The following JAG1 variants were observed in gnomAD, a reference collection of about 807,000 sequenced individuals.
The protein encoded by JAG1 is jagged canonical Notch ligand 1.
In JAG1, 23 loss-of-function variants were observed where a neutral mutation model predicts 148.7. The observed-to-expected ratio is 0.15, with a 90% CI of 0.11 to 0.22. JAG1 has a LOEUF of 0.22. Among genes scored for constraint, JAG1 ranks in the 10% least tolerant of loss-of-function variants. The probability of loss-of-function intolerance (pLI) is 1.00; values close to 1 mark genes in which losing one functional copy is unlikely to be tolerated. For missense variants in JAG1, 1,054 were observed against 1,611.2 expected (o/e 0.65, Z 5.92); for synonymous variants, 572 against 598.3 (o/e 0.96, Z 0.64).
chr20:10,652,031 T>C (rs940345676), intron 7 of JAG1, 100 bp downstream of exon 7: 3 of 1,355,466 alleles, frequency 2.2e-6, no homozygotes, highest in African/African-American at 2.9e-5. Context: ...TGGAAGCTAT[T>C]TTCACTTTTT....
At chr20:10,646,209 C>A in intron 14 of JAG1, 125 bp from the exon 15 acceptor site, 1 of 719,110 alleles carries the variant, frequency 1.4e-6, no homozygotes, top group East Asian at 2.7e-5. Flanking sequence ...TGCTACCCTC[C>A]ATCAGGGCTG....
chr20:10,673,073 G>A lies in JAG1; in HGVS notation c.82-67C>T. 1 of 1,476,966 alleles carries A rather than the reference G, an allele frequency of 6.8e-7. No homozygotes were observed. The allele number at this position is 1,476,966 out of a possible 1,614,324, so 91.5% of individuals were successfully genotyped here. A position where few individuals can be genotyped will look rare whatever the true frequency, so the allele number is the denominator to read the frequency against. ...TGTTTTCTTCGAGTATAGAGGTGGCGACTCCCTCCCACTCCCCGCCCCGAC... is the reference window on the plus strand; with the variant it reads ...TGTTTTCTTCGAGTATAGAGGTGGCAACTCCCTCCCACTCCCCGCCCCGAC... On this transcript the variant is annotated intron_variant, in intron 1 of 25. Coordinates refer to ENST00000254958, the MANE Select transcript of JAG1 (RefSeq NM_000214.3). The surrounding 1 kb of genome is among the most constrained non-coding windows in gnomAD (Gnocchi z 4.7).
intron 19 of JAG1, 144 bp downstream of exon 19, chr20:10,644,213 G>C: frequency 1.3e-6 from 1 of 759,646 alleles, no homozygotes; most frequent in Non-Finnish European, 2.3e-6. Context: ...AAAGCAGTCT[G>C]AGGCCCCACC....
intron 3 of JAG1, among the ~76,000 whole-genome samples, chr20:10,660,619 C>T (rs1365016521): frequency 2.0e-5 from 3 of 152,184 alleles, no homozygotes; most frequent in Admixed American, 6.5e-5. Flanking sequence ...CACTTATTTC[C>T]GGGAAGTGTC....
At chr20:10,663,536 G>A (rs1444039198) in intron 3 of JAG1, among the ~76,000 whole-genome samples, 4 of 152,208 alleles carry the variant, frequency 2.6e-5, no homozygotes, top group Non-Finnish European at 2.9e-5. Flanking sequence ...CCCACCAAGT[G>A]AAATTCAAGG....
chr20:10,645,638 C>T lies in JAG1; in HGVS notation c.2000-169G>A. On this transcript the variant is annotated intron_variant, in intron 15 of 25. Coordinates refer to ENST00000254958, the MANE Select transcript of JAG1 (RefSeq NM_000214.3). The surrounding 1 kb of genome is among the most constrained non-coding windows in gnomAD (Gnocchi z 6.1). ...TTTCCAGGAATAAAGGAGCTCCCAA[C>T]TGGGTTACTTTGAATGCCACAAGTT... The T allele has an allele frequency of 1.5e-6, 1 of 689,256 alleles. No individual in the cohort carries two copies. 42.7% of individuals were successfully genotyped at this position (689,256 alleles called of 1,614,324 possible).
chr20:10,647,368 CT>C (rs1404149972), intron 13 of JAG1: 31 of 535,208 alleles, frequency 5.8e-5, no homozygotes, highest in Middle Eastern at 5.2e-4. Context: ...TTCATCCTAC[CT>C]TTGACATCTA....
chr20:10,646,800 G>A (rs2067312051), intron 14 of JAG1, 139 bp downstream of exon 14: 1 of 873,490 alleles, frequency 1.1e-6, no homozygotes, highest in South Asian at 1.3e-5. Context: ...ACTCTAGCCT[G>A]GGCAACAACA....
In JAG1 at chr20:10,659,483, G is replaced by T. The variant is rs1415170033; in HGVS notation, c.440-761C>A. Among the ~76,000 whole-genome samples, 6 of 149,348 alleles carry T rather than the reference G, an allele frequency of 4.0e-5. No homozygotes were observed. In the East Asian group the frequency reaches 1.0e-3, roughly 25 times the overall value. On this transcript the variant is annotated intron_variant, in intron 3 of 25. Transcript: ENST00000254958. ...GTCAGCAATCATTTCTGGTTTTAGG[G>T]TTTTATGTCTTGCTCAGAAAAGCTT...
intron 2 of JAG1, among the ~76,000 whole-genome samples, chr20:10,667,314 G>C (rs1178453054): frequency 1.3e-5 from 2 of 152,216 alleles, no homozygotes; most frequent in African/African-American, 4.8e-5. Flanking sequence ...GGGTTCGTCA[G>C]GGGCCCTGAG....
intron 3 of JAG1, among the ~76,000 whole-genome samples, chr20:10,661,405 G>T (rs1472589180): frequency 6.6e-6 from 1 of 152,164 alleles, no homozygotes; most frequent in Non-Finnish European, 1.5e-5. Context: ...AGTCCAGAGG[G>T]AGTGGCTGAG....
In JAG1 at chr20:10,639,882, C is replaced by G. The variant is rs1306108052; in HGVS notation, c.3273G>C (p.Trp1091Cys). ...WICCLVTAFYWCLRKRRKPGS... is the reference protein window; with the variant it reads ...WICCLVTAFYCCLRKRRKPGS... ...CCGGCTTCCGCCGCTTCCGCAGGCA[C>G]CAGTAGAAGGCCGTCACCAAGCAAC... Residue 1091 changes from tryptophan to cysteine, a missense_variant, in exon 26 of 26, where the codon TGG (tryptophan) becomes TGC (cysteine). Trp to Cys is a radical substitution (Grantham distance 215). This residue lies in a region of JAG1 where 177 missense variants were observed against 177.3 expected (regional missense o/e 1.00). Coordinates refer to ENST00000254958, the MANE Select transcript of JAG1 (RefSeq NM_000214.3). 1 of 1,614,216 alleles carries G rather than the reference C, an allele frequency of 6.2e-7. No homozygotes were observed. The highest frequency in any genetic ancestry group is 1.7e-5 in the Admixed American group (1 of 60,032).
chr20:10,649,126 A>C lies in JAG1; in HGVS notation c.1349-19T>G, dbSNP rs766274191. 15 of 1,560,284 alleles carry C rather than the reference A, an allele frequency of 9.6e-6. No individual in the cohort carries two copies. Among genetic ancestry groups the C allele is most frequent in the Non-Finnish European group, 1.3e-5 (15 of 1,131,300 alleles). ...TTAATATCTAAAAAATAAATAAGTC[A>C]TCATTTTAAAGAGGTAATTTACAGT... is the stretch of plus-strand genomic sequence containing the variant. On this transcript the variant is annotated intron_variant, in intron 10 of 25. Transcript: ENST00000254958.
rs779410471 is a variant in JAG1, at chr20:10,639,537, T to C, written c.3618A>G (p.Glu1206=). The C allele has an allele frequency of 1.2e-6, 2 of 1,614,184 alleles. No homozygotes were observed. The highest frequency in any genetic ancestry group is 1.1e-5 in the South Asian group (1 of 91,082). ...CCATTCGGTTTAAGCTCTGGGCACTTTCCAAGTCTCTGTTGTCCTGTTTGT... is the reference window on the plus strand; with the variant it reads ...CCATTCGGTTTAAGCTCTGGGCACTCTCCAAGTCTCTGTTGTCCTGTTTGT... ...WTNKQDNRDL[E]SAQSLNRMEY... The change falls in exon 26 of 26, where the codon GAA becomes GAG. Residue 1206 remains glutamate (E), a synonymous_variant. Transcript: ENST00000254958.
At chr20:10,662,227 G>C (rs1319741814) in intron 3 of JAG1, 1 of 152,052 alleles carries the variant, frequency 6.6e-6, no homozygotes, top group African/African-American at 2.4e-5. Context: ...CCTCTTCCAG[G>C]GATTTGATTA....
At chr20:10,640,101 A>T (rs899102095) in intron 25 of JAG1, 146 bp from the exon 26 acceptor site, 1 of 715,010 alleles carries the variant, frequency 1.4e-6, no homozygotes, top group Non-Finnish European at 2.5e-6. Context: ...TCATCATTGC[A>T]TATGGTCACT....
At chr20:10,664,206 C>T (rs1301037154) in intron 2 of JAG1, among the ~76,000 whole-genome samples, 192 bp from the exon 3 acceptor site, 4 of 152,086 alleles carry the variant, frequency 2.6e-5, no homozygotes, top group Admixed American at 2.6e-4. Flanking sequence ...AGCACTCTTC[C>T]CAGGTTGACA....
In JAG1 at chr20:10,640,784, T is replaced by A; in HGVS notation, c.3198A>T (p.Thr1066=). 1.2e-6 allele frequency: 2 copies of A among 1,614,102 alleles called. No individual in the cohort carries two copies. The highest frequency in any genetic ancestry group is 8.5e-7 in the Non-Finnish European group (1 of 1,179,940). Residue 1066 remains threonine (T), a splice_region_variant and synonymous_variant, in exon 25 of 26, where the codon ACA becomes ACT. Coordinates refer to ENST00000254958, the MANE Select transcript of JAG1 (RefSeq NM_000214.3). ...RVQRRPLKNR[T]DFLVPLLSSV... ...AAACTAGTCCCACTTGACACCTACC[T>A]GTTCTGTTCTTCAGAGGCCGCCTCT...
intron 3 of JAG1, among the ~76,000 whole-genome samples, chr20:10,661,657 T>C (rs139621025): frequency 6.6e-6 from 1 of 152,278 alleles, no homozygotes; most frequent in African/African-American, 2.4e-5. Flanking sequence ...CACCAAGTGG[T>C]TGGTTTTTCA....
Sources: allele counts gnomAD v4.1 joint callset (sites outside exome capture counted in the v4.1 genomes callset), GRCh38; gene constraint gnomAD v4.1.1; regional missense constraint gnomAD v4.1.1; non-coding constraint Gnocchi (gnomAD v3.1); transcripts MANE v1.5; gene names NCBI Gene and HGNC (gene_info 2026-07-23, HGNC 2026-07-21).